Variants in EPS15 observed in about 807,000 individuals in gnomAD.
EPS15 encodes the protein epidermal growth factor receptor pathway substrate 15.
EPS15 carries 72 observed loss-of-function variants against 113.8 expected under a neutral mutation model. The ratio of observed to expected loss-of-function variants is 0.63; its 90% confidence interval spans 0.52 to 0.77. The LOEUF is 0.77. EPS15 is among the 30% of genes least tolerant of loss of function. The pLI is 0.00. For missense variants in EPS15, 1,048 were observed against 1,045.8 expected (o/e 1.00, Z -0.03); for synonymous variants, 344 against 363.4 (o/e 0.95, Z 0.61).
At position 51,403,418 on chromosome 1, in the gene EPS15, C is replaced by A; in HGVS notation, c.1791+1G>T. The A allele has an allele frequency of 6.5e-7, 1 of 1,532,942 alleles. No individual in the cohort carries two copies. The highest frequency in any genetic ancestry group is 9.0e-7 in the Non-Finnish European group (1 of 1,113,934). 95.0% of individuals were successfully genotyped at this position (1,532,942 alleles called of 1,614,324 possible). A position where few individuals can be genotyped will look rare whatever the true frequency, so the allele number is the denominator to read the frequency against. On this transcript the variant is annotated splice_donor_variant, in intron 17 of 24. Coordinates refer to ENST00000371733, the MANE Select transcript of EPS15 (RefSeq NM_001981.3). LOFTEE classifies it high-confidence loss of function. Reference sequence around the variant, plus strand: ...AATGTAAATATAAAATCATTTTTTACCTCTTTTGAATGTCTATTATTGTCG... The same window carrying A: ...AATGTAAATATAAAATCATTTTTTAACTCTTTTGAATGTCTATTATTGTCG...
intron 1 of EPS15, among the ~76,000 whole-genome samples, chr1:51,505,556 T>C (rs1644484810): frequency 6.6e-6 from 1 of 152,150 alleles, no homozygotes; most frequent in East Asian, 1.9e-4. Flanking sequence ...GGGGTACAAG[T>C]TTCTTTCTGA....
chr1:51,417,828 G>A (rs1044418371), intron 13 of EPS15, among the ~76,000 whole-genome samples: 1 of 152,206 alleles, frequency 6.6e-6, no homozygotes, highest in African/African-American at 2.4e-5. Context: ...ACAGAGTACA[G>A]AGTCAGACAG....
chr1:51,405,171 T>C (rs1648976750), intron 16 of EPS15, among the ~76,000 whole-genome samples: 1 of 152,182 alleles, frequency 6.6e-6, no homozygotes, highest in African/African-American at 2.4e-5. Context: ...TTTAACACAG[T>C]GTTACACTAC....
rs554204677 is a variant in EPS15 at position 51,433,317 on chromosome 1, T to G, written c.1040+7030A>C. Among the ~76,000 whole-genome samples the G allele has an allele frequency of 4.6e-5, 7 of 152,250 alleles. No individual in the cohort carries two copies. The South Asian group carries it at 1.4e-3, about 31-fold the overall frequency. On this transcript the variant is annotated intron_variant, in intron 12 of 24. Coordinates refer to ENST00000371733, the MANE Select transcript of EPS15 (RefSeq NM_001981.3). The stretch of plus-strand genomic sequence containing the variant: ...GGGATGATGATGATAAATACTAACA[T>G]GTATTGAGAACTTACTATGTTCCAA...
intron 1 of EPS15, among the ~76,000 whole-genome samples, chr1:51,496,895 G>A (rs557700550): frequency 2.0e-5 from 3 of 152,162 alleles, no homozygotes; most frequent in Non-Finnish European, 4.4e-5. Context: ...TGTCTACTAT[G>A]TGACATATGA....
intron 1 of EPS15, among the ~76,000 whole-genome samples, chr1:51,505,470 ACTCT>A (rs1385221301): frequency 6.6e-6 from 1 of 152,182 alleles, no homozygotes; most frequent in African/African-American, 2.4e-5. Flanking sequence ...AGAATAACAA[ACTCT>A]ATAGAGACAG....
chr1:51,493,595 C>A (rs1402164722), intron 1 of EPS15, among the ~76,000 whole-genome samples: 2 of 150,226 alleles, frequency 1.3e-5, no homozygotes, highest in African/African-American at 2.4e-5. Flanking sequence ...AAGCTCTATT[C>A]TTTTGAGGCT....
At chr1:51,508,338 G>GAGAAAGAAAGAAAGGAA (rs1644553729) in intron 1 of EPS15, among the ~76,000 whole-genome samples, 9 of 122,332 alleles carry the variant, frequency 7.4e-5, no homozygotes, top group African/African-American at 2.9e-4. Context: ...AAGAGAAAGA[G>GAGAAAGAAAGAAAGGAA]AGAAAGAAAG....
At chr1:51,373,000 T>G in intron 21 of EPS15, 4 of 280,806 alleles carry the variant, frequency 1.4e-5, no homozygotes, top group Non-Finnish European at 2.0e-5. Flanking sequence ...CAAGGCCTTG[T>G]ACCTGAAGAT....
chr1:51,355,914 ACTAT>A lies in EPS15; in HGVS notation c.*782_*785del, dbSNP rs377758369. The A allele has an allele frequency of 3.4e-4, 65 of 193,212 alleles. No individual in the cohort carries two copies. The East Asian group carries it at 4.8e-3, about 14-fold the overall frequency. The allele number at this position is 193,212 out of a possible 1,614,324, so 12.0% of individuals were successfully genotyped here. ...ATATTTTAGGTGATAAATTTTCTCC[ACTAT>A]CTATCACTTAAAATGAACATTTTCT... On this transcript the variant is annotated 3_prime_UTR_variant, in exon 25 of 25. Coordinates refer to ENST00000371733, the MANE Select transcript of EPS15 (RefSeq NM_001981.3).
chr1:51,489,267 A>C (rs1404229919), intron 1 of EPS15, among the ~76,000 whole-genome samples: 1 of 150,438 alleles, frequency 6.6e-6, no homozygotes, highest in Non-Finnish European at 1.5e-5. Context: ...AAATTTTTAC[A>C]AAGTATAGCC....
At chr1:51,466,382 G>A (rs1482148892) in intron 5 of EPS15, among the ~76,000 whole-genome samples, 2 of 151,926 alleles carry the variant, frequency 1.3e-5, no homozygotes, top group South Asian at 2.1e-4. Flanking sequence ...AGAACTTTGG[G>A]AGGTCAAGGT....
At chr1:51,374,996 C>CTTTTTTTT (rs761941054) in intron 21 of EPS15, among the ~76,000 whole-genome samples, 8 of 108,772 alleles carry the variant, frequency 7.4e-5, no homozygotes, top group East Asian at 2.4e-4. Context: ...TAATATACTT[C>CTTTTTTTT]TTTTTTTTTT....
chr1:51,374,843 A>T (rs148356469), intron 21 of EPS15, among the ~76,000 whole-genome samples: 3,182 of 152,072 alleles, frequency 0.021, 51 homozygotes, highest in Non-Finnish European at 0.031. Context: ...AGCTGGAATT[A>T]CAGGTGCATG....
chr1:51,458,507 C>A (rs982459077), intron 8 of EPS15: 1 of 436,492 alleles, frequency 2.3e-6, no homozygotes. Context: ...GAGGCCGAGG[C>A]GAGTGGATCA....
At chr1:51,409,718 A>G (rs1570239467) in intron 13 of EPS15, 22 bp from the exon 14 acceptor site, 2 of 1,551,462 alleles carry the variant, frequency 1.3e-6, no homozygotes, top group Admixed American at 1.8e-5. Flanking sequence ...GAAAATTAAT[A>G]TATTTATTTT....
intron 21 of EPS15, among the ~76,000 whole-genome samples, chr1:51,369,654 T>C (rs1646599799): frequency 6.6e-6 from 1 of 152,208 alleles, no homozygotes; most frequent in Non-Finnish European, 1.5e-5. Flanking sequence ...TCTTACATAT[T>C]TGAGATCATG....
intron 1 of EPS15, among the ~76,000 whole-genome samples, chr1:51,501,334 G>T (rs552324705): frequency 2.0e-5 from 3 of 152,008 alleles, no homozygotes; most frequent in Non-Finnish European, 4.4e-5. Flanking sequence ...CTTGAACCCG[G>T]GAGGTGGAGG....
intron 13 of EPS15, among the ~76,000 whole-genome samples, chr1:51,417,326 AACT>A (rs1397789702): frequency 2.0e-5 from 3 of 152,202 alleles, no homozygotes; most frequent in Non-Finnish European, 4.4e-5. Flanking sequence ...TTTTCATGAT[AACT>A]ACTATGCTCT....
Sources: allele counts gnomAD v4.1 joint callset (sites outside exome capture counted in the v4.1 genomes callset), GRCh38; gene constraint gnomAD v4.1.1; transcripts MANE v1.5; gene names NCBI Gene and HGNC (gene_info 2026-07-23, HGNC 2026-07-21).